The following TLE7 variants were observed in gnomAD, a reference collection of about 807,000 sequenced individuals.
The protein encoded by TLE7 is TLE family member 7.
intron 5 of TLE7, 39 bp downstream of exon 5, chr16:71,432,071 T>A: frequency 2.5e-6 from 1 of 401,012 alleles, no homozygotes; most frequent in South Asian, 1.3e-4. Flanking sequence ...TCAGAGGCCC[T>A]GTCAGAGTTC....
At chr16:71,439,038 G>A (rs1209454477) in intron 1 of TLE7, among the ~76,000 whole-genome samples, 1 of 152,230 alleles carries the variant, frequency 6.6e-6, no homozygotes, top group Non-Finnish European at 1.5e-5. Flanking sequence ...CCCGTGGCCA[G>A]TTGGCACAGT....
chr16:71,434,083 T>G (rs551294242), intron 1 of TLE7, among the ~76,000 whole-genome samples: 1 of 151,966 alleles, frequency 6.6e-6, no homozygotes, highest in Non-Finnish European at 1.5e-5. Flanking sequence ...CCTAGAGGGG[T>G]TGGAGGAAAC....
rs553963009 is a variant in TLE7 at position 71,431,967 on chromosome 16, G to A, written c.645C>T (p.Phe215=). 5 of 400,662 alleles carry A rather than the reference G, an allele frequency of 1.2e-5. No individual in the cohort carries two copies. The highest frequency in any genetic ancestry group is 2.2e-5 in the Non-Finnish European group (5 of 226,292). The allele number at this position is 400,662 out of a possible 1,614,324, so 24.8% of individuals were successfully genotyped here. A position where few individuals can be genotyped will look rare whatever the true frequency, so the allele number is the denominator to read the frequency against. Reference sequence around the variant, plus strand: ...CTGTGATCAGGCTCCGCTCATCAGGGAACAGCTTGCAGGTAACAACACGGT... The same window carrying A: ...CTGTGATCAGGCTCCGCTCATCAGGAAACAGCTTGCAGGTAACAACACGGT... ...PQDRVVTCKL[F]PDERSLITGG... Residue 215 remains phenylalanine, a synonymous_variant, in exon 6 of 10, where the codon TTC becomes TTT. Coordinates refer to ENST00000561754, the MANE Select transcript of TLE7 (RefSeq NM_001367365.2). This position sits in a 1 kb window ranked among gnomAD's most constrained non-coding sequence, Gnocchi z 4.5.
At chr16:71,441,106 G>A (rs1047927910) in intron 1 of TLE7, among the ~76,000 whole-genome samples, 2 of 152,202 alleles carry the variant, frequency 1.3e-5, no homozygotes, top group African/African-American at 4.8e-5. Context: ...ATCTCCCCAG[G>A]GACCTGTTAC....
At chr16:71,441,427 C>A (rs900590926) in intron 1 of TLE7, among the ~76,000 whole-genome samples, 7 of 152,240 alleles carry the variant, frequency 4.6e-5, no homozygotes, top group African/African-American at 1.4e-4. Context: ...TTCTGGCCTG[C>A]AGGGCGCGGC....
In TLE7 at chr16:71,431,935, G is replaced by A. The variant is rs574577110; in HGVS notation, c.677C>T (p.Ala226Val). ...PDERSLITGGASQAVTLWDLA... is the reference protein window; with the variant it reads ...PDERSLITGGVSQAVTLWDLA... ...GTCCCAGAGAGTCACGGCCTGGGAC[G>A]CACCCCCTGTGATCAGGCTCCGCTC... The change falls in exon 6 of 10, where the codon GCG (alanine) becomes GTG (valine). Residue 226 changes from alanine to valine, a missense_variant. Transcript: ENST00000561754. This position sits in a 1 kb window ranked among gnomAD's most constrained non-coding sequence, Gnocchi z 4.5. The A allele has an allele frequency of 9.2e-5, 37 of 400,704 alleles. No homozygotes were observed. The Admixed American group carries it at 9.2e-4, about 10-fold the overall frequency. The allele number at this position is 400,704 out of a possible 1,614,324, so 24.8% of individuals were successfully genotyped here. A position where few individuals can be genotyped will look rare whatever the true frequency, so the allele number is the denominator to read the frequency against.
At chr16:71,438,424 CAAA>C (rs11383356) in intron 1 of TLE7, among the ~76,000 whole-genome samples, 1 of 83,026 alleles carries the variant, frequency 1.2e-5, no homozygotes. Context: ...GACTCCATCT[CAAA>C]AAAAAAAAAA....
chr16:71,441,824 A>T (rs1264228013), intron 1 of TLE7, 145 bp downstream of exon 1: 2 of 152,268 alleles, frequency 1.3e-5, no homozygotes, highest in Non-Finnish European at 2.9e-5. Context: ...GCTCACGCGC[A>T]GTCTCCAACT....
intron 8 of TLE7, 136 bp from the exon 9 acceptor site, chr16:71,430,877 C>T: frequency 2.5e-6 from 1 of 397,392 alleles, no homozygotes; most frequent in East Asian, 3.6e-5. Flanking sequence ...ACAACCCAAG[C>T]CATTCCCTTA....
rs905982301 is a variant in TLE7 at position 71,433,089 on chromosome 16, C to T, written c.236G>A (p.Gly79Asp). The T allele has an allele frequency of 1.9e-4, 76 of 398,864 alleles. No individual in the cohort carries two copies. Among genetic ancestry groups the T allele is most frequent in the African/African-American group, 1.2e-3 (58 of 48,756 alleles). The allele number at this position is 398,864 out of a possible 1,614,324, so 24.7% of individuals were successfully genotyped here. ...TVTQQQWHLQ[G>D]LGRSELQAAG... ...GGCCTGGAGCTCAGATCTACCCAGGCCCTGGAGGTGCCACTGCTGCTGGGT... is the reference window on the plus strand; with the variant it reads ...GGCCTGGAGCTCAGATCTACCCAGGTCCTGGAGGTGCCACTGCTGCTGGGT... The change falls in exon 2 of 10, where the codon GGC becomes GAC. Residue 79 changes from glycine (G) to aspartate (D), a missense_variant. Physicochemically the swap from Gly to Asp is moderately conservative, Grantham distance 94. Transcript: ENST00000561754.
At chr16:71,433,782 A>T (rs531102126) in intron 1 of TLE7, among the ~76,000 whole-genome samples, 7 of 152,180 alleles carry the variant, frequency 4.6e-5, no homozygotes, top group Admixed American at 4.6e-4. Context: ...ACATTGTGAA[A>T]CCCAATCTCT....
At position 71,433,488 on chromosome 16, in the gene TLE7, G is replaced by A. The variant is rs1225022523; in HGVS notation, c.-96-68C>T. 4 of 396,948 alleles carry A rather than the reference G, an allele frequency of 1.0e-5. No homozygotes were observed. The South Asian group carries it at 5.7e-4, about 57-fold the overall frequency. The allele number at this position is 396,948 out of a possible 1,614,324, so 24.6% of individuals were successfully genotyped here. On this transcript the variant is annotated intron_variant, in intron 1 of 9. Coordinates refer to ENST00000561754, the MANE Select transcript of TLE7 (RefSeq NM_001367365.2). ...CTGTAGGGTCTCTTTAGAAGGGGCAGAGAATGTCTCCTTTGGTGAAAAGAT... is the reference window on the plus strand; with the variant it reads ...CTGTAGGGTCTCTTTAGAAGGGGCAAAGAATGTCTCCTTTGGTGAAAAGAT...
intron 1 of TLE7, among the ~76,000 whole-genome samples, chr16:71,438,044 A>C (rs1396515399): frequency 1.3e-5 from 2 of 152,192 alleles, no homozygotes; most frequent in Non-Finnish European, 2.9e-5. Flanking sequence ...GAAAGAAACA[A>C]GTTTATTAGA....
rs1007051904 is a variant in TLE7 at position 71,432,321 on chromosome 16, G to A, written c.398C>T (p.Pro133Leu). 7 of 400,686 alleles carry A rather than the reference G, an allele frequency of 1.7e-5. No homozygotes were observed. The highest frequency in any genetic ancestry group is 2.2e-5 in the Non-Finnish European group (5 of 226,330). 24.8% of individuals were successfully genotyped at this position (400,686 alleles called of 1,614,324 possible). A position where few individuals can be genotyped will look rare whatever the true frequency, so the allele number is the denominator to read the frequency against. The stretch of plus-strand genomic sequence containing the variant: ...CCTGACCACAACTTCATCTGGAATG[G>A]GGGGCTAGGCAAGGAGAGGGTGGGT... Reference protein sequence around the residue: ...EVLSLLRAIPPIPDEVVVRQK... With the variant: ...EVLSLLRAIPLIPDEVVVRQK... The change falls in exon 5 of 10, where the codon CCC becomes CTC. Residue 133 changes from proline to leucine, a missense_variant. Pro to Leu is a moderately conservative substitution (Grantham distance 98, BLOSUM62 -3). Transcript: ENST00000561754.
intron 1 of TLE7, among the ~76,000 whole-genome samples, chr16:71,435,154 T>A (rs2042821454): frequency 6.6e-6 from 1 of 152,224 alleles, no homozygotes; most frequent in Admixed American, 6.5e-5. Flanking sequence ...AGCTCACGCC[T>A]GTAATCCCAG....
At chr16:71,430,470 G>A (rs1311734204) in intron 9 of TLE7, 104 bp from the exon 10 acceptor site, 3 of 398,078 alleles carry the variant, frequency 7.5e-6, no homozygotes, top group Non-Finnish European at 1.3e-5. Context: ...GGCTCAGGTG[G>A]AGGACAGGGC....
At position 71,433,010 on chromosome 16, in the gene TLE7, C is replaced by T; in HGVS notation, c.311+4G>A. 2.5e-6 allele frequency: 1 copy of T among 398,852 alleles called. No individual in the cohort carries two copies. Among genetic ancestry groups the T allele is most frequent in the Non-Finnish European group, 4.4e-6 (1 of 226,240 alleles). 24.7% of individuals were successfully genotyped at this position (398,852 alleles called of 1,614,324 possible). On this transcript the variant is annotated splice_donor_region_variant and intron_variant, in intron 2 of 9. Coordinates refer to ENST00000561754, the MANE Select transcript of TLE7 (RefSeq NM_001367365.2). ...CCACTGAGTCAGGTTCAAGCAAGAC[C>T]TGCCTTGGGCTGGACTCTGCTGCTT...
intron 1 of TLE7, among the ~76,000 whole-genome samples, chr16:71,436,294 G>T (rs984269594): frequency 1.3e-5 from 2 of 152,122 alleles, no homozygotes; most frequent in African/African-American, 4.8e-5. Flanking sequence ...CCTATCCTGC[G>T]GTGCTGCTGC....
intron 1 of TLE7, among the ~76,000 whole-genome samples, chr16:71,433,823 T>C (rs1391632669): frequency 6.6e-6 from 1 of 152,046 alleles, no homozygotes; most frequent in Non-Finnish European, 1.5e-5. Flanking sequence ...CCGGGCATGA[T>C]GGCACGTGCC....
Sources: allele counts gnomAD v4.1 joint callset (sites outside exome capture counted in the v4.1 genomes callset), GRCh38; gene constraint gnomAD v4.1.1; non-coding constraint Gnocchi (gnomAD v3.1); transcripts MANE v1.5; gene names NCBI Gene and HGNC (gene_info 2026-07-23, HGNC 2026-07-21).